ANXA11: variants seen among roughly 807,000 people sequenced by gnomAD.
The protein encoded by ANXA11 is 56 kDa autoantigen.
Under a neutral mutation model 64.7 loss-of-function variants are expected in ANXA11, and 57 were observed. The observed-to-expected ratio is 0.88, with a 90% CI of 0.71 to 1.10. ANXA11 has a LOEUF of 1.10. Ranked by LOEUF, ANXA11 falls within the 50% of genes least tolerant of loss-of-function variation. The pLI, the probability that ANXA11 is intolerant of heterozygous loss-of-function variation, is 0.00. For missense variants in ANXA11, 675 were observed against 670.7 expected (o/e 1.01, Z -0.07); for synonymous variants, 260 against 265.2 (o/e 0.98, Z 0.19).
intron 1 of ANXA11, chr10:80,181,601 C>T (rs1337597878): frequency 6.6e-6 from 1 of 152,142 alleles, no homozygotes; most frequent in African/African-American, 2.4e-5. Flanking sequence ...TAAATCTCAA[C>T]AAGAAAACCT....
Position 80,166,038 on chromosome 10 carries a change from GCGCGCACACACACACA to G in ANXA11, c.858+30_858+45del, listed in dbSNP as rs1397274524. On this transcript the variant is annotated intron_variant, in intron 8 of 15. Coordinates refer to ENST00000422982, the MANE Select transcript of ANXA11 (RefSeq NM_145868.2). ...CACGCATGCGCGCGTGCGCACACACGCGCGCACACACACACACACACACACACACACACACACGTAC... is the reference window on the plus strand; with the variant it reads ...CACGCATGCGCGCGTGCGCACACACGCACACACACACACACACACACGTAC... 7 of 557,456 alleles carry G rather than the reference GCGCGCACACACACACA, an allele frequency of 1.3e-5. No individual in the cohort carries two copies. In the Admixed American group the frequency reaches 1.8e-4, roughly 14 times the overall value. The allele number at this position is 557,456 out of a possible 1,614,324, so 34.5% of individuals were successfully genotyped here.
chr10:80,163,700 G>T, intron 9 of ANXA11, 87 bp from the exon 10 acceptor site: 1 of 1,264,162 alleles, frequency 7.9e-7, no homozygotes, highest in Non-Finnish European at 1.1e-6. Context: ...TGGGTACTGG[G>T]GAGAAAAAGG....
intron 1 of ANXA11, among the ~76,000 whole-genome samples, chr10:80,197,376 AC>A (rs1840212571): frequency 1.3e-5 from 2 of 151,944 alleles, no homozygotes. Context: ...TCAGAAAAGT[AC>A]CAGCCACTCC....
chr10:80,167,211 C>CCCA lies in ANXA11; in HGVS notation c.649+12_649+14dup. The CCCA allele has an allele frequency of 6.2e-7, 1 of 1,613,200 alleles. No homozygotes were observed. Among genetic ancestry groups the CCCA allele is most frequent in the African/African-American group, 1.3e-5 (1 of 75,032 alleles). On this transcript the variant is annotated intron_variant, in intron 6 of 15. Coordinates refer to ENST00000422982, the MANE Select transcript of ANXA11 (RefSeq NM_145868.2). The stretch of plus-strand genomic sequence containing the variant: ...GGGGCAGGGAGTAGGATTTGAGCCA[C>CCCA]CCAGGGTCTCTTACCGAAGCCTTTC...
Position 80,155,786 on chromosome 10 carries a change from T to C in ANXA11, c.*67A>G, listed in dbSNP as rs1349383822. ...TTTGTGGATTTGTTAGAAACAGACA[T>C]TCTTTTGGCCTTTTCCTGGCACTGG... is the stretch of plus-strand genomic sequence containing the variant. On this transcript the variant is annotated 3_prime_UTR_variant, in exon 16 of 16. Transcript: ENST00000422982. 6.9e-7 allele frequency: 1 copy of C among 1,447,822 alleles called. No individual in the cohort carries two copies. The highest frequency in any genetic ancestry group is 9.7e-7 in the Non-Finnish European group (1 of 1,029,320). The allele number at this position is 1,447,822 out of a possible 1,614,324, so 89.7% of individuals were successfully genotyped here.
intron 2 of ANXA11, among the ~76,000 whole-genome samples, chr10:80,173,533 A>C (rs1205833329): frequency 6.6e-6 from 1 of 152,210 alleles, no homozygotes; most frequent in Non-Finnish European, 1.5e-5. Context: ...CAGATCTGTC[A>C]GTAAGGGAGG....
intron 5 of ANXA11, 69 bp from the exon 6 acceptor site, chr10:80,167,382 C>T (rs1845790070): frequency 7.2e-7 from 1 of 1,390,964 alleles, no homozygotes. Flanking sequence ...GGCTGCTCCA[C>T]CCCTAGACTC....
intron 2 of ANXA11, among the ~76,000 whole-genome samples, chr10:80,174,599 T>G (rs748308427): frequency 6.3e-4 from 96 of 151,890 alleles, no homozygotes; most frequent in Non-Finnish European, 1.1e-3. Context: ...TTAAACAGCG[T>G]CTCACTCTAT....
At chr10:80,165,992 T>G in intron 8 of ANXA11, 92 bp downstream of exon 8, 2 of 750,656 alleles carry the variant, frequency 2.7e-6, no homozygotes, top group East Asian at 5.2e-5. Context: ...CATCCAGGCC[T>G]CCTTCTGGGC....
At chr10:80,187,543 G>A (rs1011284462) in intron 1 of ANXA11, among the ~76,000 whole-genome samples, 1 of 146,322 alleles carries the variant, frequency 6.8e-6, no homozygotes, top group Non-Finnish European at 1.5e-5. Flanking sequence ...ATGTGCGCGC[G>A]TGCACACACA....
chr10:80,185,427 C>T (rs1054807976), intron 1 of ANXA11, among the ~76,000 whole-genome samples: 1 of 152,090 alleles, frequency 6.6e-6, no homozygotes, highest in East Asian at 1.9e-4. Context: ...ATTAGTTGCC[C>T]GAAAAGTTTA....
In ANXA11 at chr10:80,169,162, T is replaced by C. The variant is rs760158626; in HGVS notation, c.368A>G (p.Tyr123Cys). The change falls in exon 5 of 16, where the codon TAC becomes TGC. Residue 123 changes from tyrosine (Y) to cysteine (C), a missense_variant. Transcript: ENST00000422982. ...PPSRMPSYPP[Y>C]PGAPVPGQPM... is the part of the protein sequence containing the mutation. ...CTGGCCCGGCACAGGGGCCCCTGGG[T>C]ATGGCGGATATGAGGGCATCCTGGA... The C allele has an allele frequency of 3.8e-6, 6 of 1,579,792 alleles. No homozygotes were observed. The South Asian group carries it at 4.7e-5, about 12-fold the overall frequency.
chr10:80,152,429 G>A lies in ANXA11; in HGVS notation c.*3424C>T, dbSNP rs950784159. On this transcript the variant is annotated 3_prime_UTR_variant, in exon 16 of 16. Coordinates refer to ENST00000422982, the MANE Select transcript of ANXA11 (RefSeq NM_145868.2). ...ACTTAACATGGGTTGGATCTCTTGG[G>A]AGTGACCATGAGGGCAGCGAGAGGA... is the stretch of plus-strand genomic sequence containing the variant. The A allele has an allele frequency of 1.3e-5, 2 of 152,498 alleles. No individual in the cohort carries two copies. Among genetic ancestry groups the A allele is most frequent in the African/African-American group, 4.8e-5 (2 of 41,588 alleles). 9.4% of individuals were successfully genotyped at this position (152,498 alleles called of 1,614,324 possible). A position where few individuals can be genotyped will look rare whatever the true frequency, so the allele number is the denominator to read the frequency against.
At chr10:80,197,465 C>G (rs1389427411) in intron 1 of ANXA11, among the ~76,000 whole-genome samples, 1 of 152,164 alleles carries the variant, frequency 6.6e-6, no homozygotes, top group East Asian at 1.9e-4. Flanking sequence ...GGTTGGCAAC[C>G]ACTGCTCTGA....
intron 1 of ANXA11, among the ~76,000 whole-genome samples, chr10:80,190,130 T>C (rs1243984616): frequency 1.3e-5 from 2 of 152,252 alleles, no homozygotes; most frequent in Admixed American, 6.5e-5. Flanking sequence ...ATGGGGAGTT[T>C]ACATTTCCTG....
At position 80,159,155 on chromosome 10, in the gene ANXA11, C is replaced by CTCAATGTCCCGGCCTG; in HGVS notation, c.1205_1220dup (p.Glu407AspfsTer6). 1 of 1,614,186 alleles carries CTCAATGTCCCGGCCTG rather than the reference C, an allele frequency of 6.2e-7. No homozygotes were observed. The highest frequency in any genetic ancestry group is 8.5e-7 in the Non-Finnish European group (1 of 1,180,024). ...CGGACATCTCCCGGCAGATGCTCTTCTCAATGTCCCGGCCTGTCATTCTCT... is the reference window on the plus strand; with the variant it reads ...CGGACATCTCCCGGCAGATGCTCTTCTCAATGTCCCGGCCTGTCAATGTCCCGGCCTGTCATTCTCT... On this transcript the variant is annotated stop_gained and frameshift_variant, in exon 13 of 16. Coordinates refer to ENST00000422982, the MANE Select transcript of ANXA11 (RefSeq NM_145868.2). LOFTEE classifies it high-confidence loss of function.
At chr10:80,194,907 C>G (rs140721272) in intron 1 of ANXA11, among the ~76,000 whole-genome samples, 1 of 152,202 alleles carries the variant, frequency 6.6e-6, no homozygotes, top group Non-Finnish European at 1.5e-5. Context: ...CTTCAGCTGC[C>G]GGGCTGTCCT....
chr10:80,170,948 C>T (rs1375201645), intron 3 of ANXA11, 33 bp from the exon 4 acceptor site: 6 of 1,565,008 alleles, frequency 3.8e-6, no homozygotes, highest in Non-Finnish European at 5.2e-6. Flanking sequence ...TAGCCCCCTG[C>T]CAGTCCCCCA....
At chr10:80,171,206 G>A (rs1662343449) in intron 3 of ANXA11, 1 of 1,263,910 alleles carries the variant, frequency 7.9e-7, no homozygotes, top group Non-Finnish European at 1.0e-6. Context: ...GGCAGGCTCT[G>A]CCCTCCCAAG....
Sources: gnomAD v4.1 joint callset for allele counts (sites outside exome capture counted in the v4.1 genomes callset) on GRCh38, gnomAD v4.1.1 for gene constraint, MANE v1.5 for transcripts, NCBI Gene and HGNC (gene_info 2026-07-23, HGNC 2026-07-21) for gene names.